Variants in ERI3 observed in about 807,000 individuals in gnomAD.
The protein encoded by ERI3 is ERI1 exoribonuclease family member 3, also known as ERI1 exoribonuclease 3.
ERI3 carries 18 observed loss-of-function variants against 44.4 expected under a neutral mutation model. The observed-to-expected ratio is 0.41, with a 90% CI of 0.28 to 0.60. The LOEUF (loss-of-function observed/expected upper bound fraction) is 0.60. ERI3 is among the 20% of genes least tolerant of loss of function. ERI3 has a pLI of 0.36. For synonymous variants in ERI3, 183 were observed against 164.8 expected (o/e 1.11, Z -0.84); for missense variants, 294 against 435.5 (o/e 0.68, Z 2.89).
chr1:44,244,977 C>A (rs1470675133), intron 8 of ERI3, among the ~76,000 whole-genome samples: 2 of 152,128 alleles, frequency 1.3e-5, no homozygotes, highest in African/African-American at 4.8e-5. Context: ...CCTTACCCCC[C>A]CAGCCAATAC....
At chr1:44,248,143 C>T in intron 7 of ERI3, 105 bp from the exon 8 acceptor site, 2 of 690,034 alleles carry the variant, frequency 2.9e-6, no homozygotes, top group Admixed American at 5.8e-5. Context: ...CAAGGAATCC[C>T]TCTCATAATG....
At chr1:44,229,345 A>G (rs1056569146) in intron 8 of ERI3, among the ~76,000 whole-genome samples, 2 of 152,188 alleles carry the variant, frequency 1.3e-5, no homozygotes, top group African/African-American at 4.8e-5. Context: ...GGAAATGAAG[A>G]GGCAGCACGG....
At chr1:44,309,561 G>C (rs1338218317) in intron 5 of ERI3, among the ~76,000 whole-genome samples, 4 of 151,974 alleles carry the variant, frequency 2.6e-5, no homozygotes, top group Non-Finnish European at 5.9e-5. Context: ...CCCAGGCATG[G>C]AGAGGGAGTC....
rs888664411 is a variant in ERI3, at chr1:44,264,780, C to A, written c.832-16742G>T. On this transcript the variant is annotated intron_variant, in intron 7 of 8. Transcript: ENST00000372257. ...AGATTTACTGCCCACCACGCTGATG[C>A]ATCTCCACATGCCCTCCTGCCATCA... Among the ~76,000 whole-genome samples the A allele has an allele frequency of 2.0e-5, 3 of 152,358 alleles. No individual in the cohort carries two copies. The East Asian group carries it at 5.8e-4, about 29-fold the overall frequency.
At chr1:44,306,860 G>A (rs1645846574) in intron 6 of ERI3, among the ~76,000 whole-genome samples, 1 of 152,216 alleles carries the variant, frequency 6.6e-6, no homozygotes, top group African/African-American at 2.4e-5. Context: ...ATGAACCCCA[G>A]AATTCTGGGT....
At chr1:44,262,622 A>G (rs1331804030) in intron 7 of ERI3, among the ~76,000 whole-genome samples, 2 of 152,206 alleles carry the variant, frequency 1.3e-5, no homozygotes, top group African/African-American at 4.8e-5. Context: ...GCGCAGGGTC[A>G]GTGGGGATGG....
chr1:44,225,754 A>C (rs1001232420), intron 8 of ERI3, among the ~76,000 whole-genome samples: 1 of 152,236 alleles, frequency 6.6e-6, no homozygotes, highest in South Asian at 2.1e-4. Flanking sequence ...ATTCTCCATT[A>C]GCGGTACTTA....
At chr1:44,328,662 A>T (rs1646365690) in intron 3 of ERI3, among the ~76,000 whole-genome samples, 1 of 152,186 alleles carries the variant, frequency 6.6e-6, no homozygotes, top group South Asian at 2.1e-4. Context: ...TGCATTTCTA[A>T]CAAGCTCCCA....
rs116836675 is a variant in ERI3, at chr1:44,324,221, A to C, written c.490-4477T>G. 7.7e-3 allele frequency among the ~76,000 whole-genome samples: 1,176 copies of C among 152,318 alleles called. 20 individuals carry two copies. Among genetic ancestry groups the C allele is most frequent in the African/African-American group, 0.027 (1,122 of 41,570 alleles). ...AGTGGAGGAGACAAGCCAAAGGCCT[A>C]GCTGTACCAGAAGACACAAAACTCT... On this transcript the variant is annotated intron_variant, in intron 3 of 8. Coordinates refer to ENST00000372257, the MANE Select transcript of ERI3 (RefSeq NM_024066.3).
intron 8 of ERI3, among the ~76,000 whole-genome samples, chr1:44,225,332 G>T (rs1443002701): frequency 6.6e-6 from 1 of 152,066 alleles, no homozygotes; most frequent in Non-Finnish European, 1.5e-5. Flanking sequence ...GGAGTGCAGT[G>T]GCGTGACCTC....
chr1:44,266,267 A>G (rs187109094), intron 7 of ERI3, among the ~76,000 whole-genome samples: 54 of 152,370 alleles, frequency 3.5e-4, no homozygotes, highest in African/African-American at 1.2e-3. Flanking sequence ...AAGGATAAGC[A>G]GGAGTTCACT....
At chr1:44,308,974 G>A (rs1645897302) in intron 5 of ERI3, among the ~76,000 whole-genome samples, 1 of 152,166 alleles carries the variant, frequency 6.6e-6, no homozygotes, top group South Asian at 2.1e-4. Flanking sequence ...GCCTGCTCCA[G>A]TTGCTAAAAG....
chr1:44,342,835 ATATATATATATATATATATATATTTTT>A (rs1646695643), intron 2 of ERI3, among the ~76,000 whole-genome samples: 5 of 25,566 alleles, frequency 2.0e-4, no homozygotes, highest in Non-Finnish European at 2.9e-4. Context: ...ATATATATAT[ATATATATATATATATATATATATTTTT>A]TTTTTTTTTT....
chr1:44,245,425 G>A (rs1476031327), intron 8 of ERI3, among the ~76,000 whole-genome samples: 1 of 152,146 alleles, frequency 6.6e-6, no homozygotes, highest in Non-Finnish European at 1.5e-5. Context: ...ACAGAGTAGG[G>A]AGCCCCTTCA....
At chr1:44,340,149 C>CAAAAAAAAAAAAAA (rs35880098) in intron 2 of ERI3, among the ~76,000 whole-genome samples, 2 of 121,104 alleles carry the variant, frequency 1.7e-5, no homozygotes, top group African/African-American at 3.1e-5. Flanking sequence ...TGAACATGTG[C>CAAAAAAAAAAAAAA]AAAAAAAAAA....
In ERI3 at chr1:44,294,255, C is replaced by G. The variant is rs1179602495; in HGVS notation, c.759-9348G>C. On this transcript the variant is annotated intron_variant, in intron 6 of 8. Coordinates refer to ENST00000372257, the MANE Select transcript of ERI3 (RefSeq NM_024066.3). The stretch of plus-strand genomic sequence containing the variant: ...GCAGTGCAGAGGGATGCTCCATGGT[C>G]CAGGCTGCTGGTGCCATGTTGCTCA... 2.0e-5 allele frequency among the ~76,000 whole-genome samples: 3 copies of G among 152,272 alleles called. No individual in the cohort carries two copies. In the East Asian group the frequency reaches 5.8e-4, roughly 29 times the overall value.
intron 8 of ERI3, among the ~76,000 whole-genome samples, chr1:44,222,245 C>T (rs1279318430): frequency 6.6e-6 from 1 of 152,226 alleles, no homozygotes; most frequent in Non-Finnish European, 1.5e-5. Flanking sequence ...TGTGCTCAAA[C>T]AGCAGCTTGC....
intron 7 of ERI3, among the ~76,000 whole-genome samples, chr1:44,278,030 T>C (rs1645213026): frequency 6.6e-6 from 1 of 152,210 alleles, no homozygotes; most frequent in Non-Finnish European, 1.5e-5. Flanking sequence ...ATTTTAATAA[T>C]ATATTTTATT....
At chr1:44,264,417 C>G (rs1275203393) in intron 7 of ERI3, among the ~76,000 whole-genome samples, 1 of 152,190 alleles carries the variant, frequency 6.6e-6, no homozygotes, top group Non-Finnish European at 1.5e-5. Context: ...AACACAGTTA[C>G]ACAAGTTATC....
Sources: allele counts gnomAD v4.1 joint callset (sites outside exome capture counted in the v4.1 genomes callset), GRCh38; gene constraint gnomAD v4.1.1; transcripts MANE v1.5; gene names NCBI Gene and HGNC (gene_info 2026-07-23, HGNC 2026-07-21).